The following RNF220 variants were observed in gnomAD, a reference collection of about 807,000 sequenced individuals.
RNF220 encodes E3 ubiquitin-protein ligase RNF220.
Under a neutral mutation model 67.1 loss-of-function variants are expected in RNF220, and 7 were observed. That is an observed-to-expected ratio of 0.10 (90% confidence interval 0.06 to 0.20). RNF220 has a LOEUF of 0.20. Ranked by LOEUF, RNF220 falls within the 10% of genes least tolerant of loss-of-function variation. RNF220 has a pLI of 1.00. For missense variants in RNF220, 565 were observed against 740.3 expected (o/e 0.76, Z 2.75); for synonymous variants, 270 against 283.2 (o/e 0.95, Z 0.47).
chr1:44,599,401 G>A (rs1327496635), intron 2 of RNF220, among the ~76,000 whole-genome samples: 5 of 152,164 alleles, frequency 3.3e-5, no homozygotes, highest in African/African-American at 2.4e-5. Flanking sequence ...GGTCAGGCGC[G>A]GTGGCTCACA....
chr1:44,515,006 G>A (rs1357484450), intron 2 of RNF220, among the ~76,000 whole-genome samples: 1 of 152,206 alleles, frequency 6.6e-6, no homozygotes, highest in East Asian at 1.9e-4. Context: ...AACAAACACA[G>A]AAAGGGAAGA....
chr1:44,456,570 C>T (rs1653203459), intron 2 of RNF220, among the ~76,000 whole-genome samples: 1 of 152,180 alleles, frequency 6.6e-6, no homozygotes, highest in African/African-American at 2.4e-5. Flanking sequence ...CAGACCAAGT[C>T]CCTGTCCTCA....
Position 44,462,701 on chromosome 1 carries a change from TG to T in RNF220, c.625+49980del, listed in dbSNP as rs535451655. On this transcript the variant is annotated intron_variant, in intron 2 of 14. Coordinates refer to ENST00000361799, the MANE Select transcript of RNF220 (RefSeq NM_018150.4). ...AAATGAAGTATAGATGCTTCAAAAT[TG>T]TTCACATGAAGAGTCAGAGTCCACA... 4.1e-3 allele frequency among the ~76,000 whole-genome samples: 619 copies of T among 152,304 alleles called. 5 individuals are homozygous for T. The highest frequency in any genetic ancestry group is 0.014 in the African/African-American group (600 of 41,568).
chr1:44,560,046 C>T (rs1266804245), intron 2 of RNF220, among the ~76,000 whole-genome samples: 2 of 152,320 alleles, frequency 1.3e-5, no homozygotes, highest in Middle Eastern at 3.4e-3. Context: ...GCCCATCAGG[C>T]AGGCAACCCC....
chr1:44,413,295 C>T (rs1270852915), intron 2 of RNF220, among the ~76,000 whole-genome samples: 2 of 152,136 alleles, frequency 1.3e-5, no homozygotes, highest in South Asian at 2.1e-4. Flanking sequence ...TCCTTGCGAT[C>T]GCAAGGCTAG....
intron 5 of RNF220, chr1:44,632,107 G>A (rs1644154780): frequency 3.4e-6 from 5 of 1,461,446 alleles, no homozygotes; most frequent in Non-Finnish European, 4.6e-6. Context: ...GGCTGGGGCG[G>A]CACCGCGCAG....
intron 2 of RNF220, among the ~76,000 whole-genome samples, chr1:44,527,000 C>G (rs923278268): frequency 6.6e-6 from 1 of 151,946 alleles, no homozygotes; most frequent in African/African-American, 2.4e-5. Context: ...CCTTCAGTAT[C>G]GCTGCTTCCC....
chr1:44,493,475 T>C (rs1657043538), intron 2 of RNF220, among the ~76,000 whole-genome samples: 1 of 152,010 alleles, frequency 6.6e-6, no homozygotes, highest in Non-Finnish European at 1.5e-5. Flanking sequence ...GATCGTGCCA[T>C]TGCACTCTAG....
chr1:44,540,811 G>A (rs1459472885), intron 2 of RNF220, among the ~76,000 whole-genome samples: 2 of 152,074 alleles, frequency 1.3e-5, no homozygotes, highest in African/African-American at 2.4e-5. Context: ...CAGAACCGAG[G>A]GAGGTGTACA....
At chr1:44,519,313 CAT>C (rs1659718490) in intron 2 of RNF220, among the ~76,000 whole-genome samples, 1 of 152,178 alleles carries the variant, frequency 6.6e-6, no homozygotes. Flanking sequence ...AGGCACTGAA[CAT>C]ATGATAATAA....
intron 2 of RNF220, among the ~76,000 whole-genome samples, chr1:44,573,577 A>G (rs557323405): frequency 1.3e-5 from 2 of 152,354 alleles, no homozygotes; most frequent in Middle Eastern, 3.4e-3. Context: ...ATCAGATAGC[A>G]TGAGTTTAAT....
In RNF220 at chr1:44,463,335, C is replaced by CAAA. The variant is rs1223749063; in HGVS notation, c.625+50625_625+50627dup. 4.3e-4 allele frequency among the ~76,000 whole-genome samples: 39 copies of CAAA among 91,146 alleles called. No individual in the cohort carries two copies. The South Asian group carries it at 4.7e-3, about 11-fold the overall frequency. 59.8% of individuals were successfully genotyped at this position (91,146 alleles called of 152,430 possible). On this transcript the variant is annotated intron_variant, in intron 2 of 14. Transcript: ENST00000361799. ...GGGCAACAAGAGCAAAACTCTGTCT[C>CAAA]AAAAAAAAAAAAAAGAAAGAAAGAA...
Position 44,650,607 on chromosome 1 carries a change from C to A in RNF220, c.1630-97C>A. The A allele has an allele frequency of 7.4e-7, 1 of 1,347,160 alleles. No homozygotes were observed. Among genetic ancestry groups the A allele is most frequent in the Non-Finnish European group, 1.1e-6 (1 of 948,348 alleles). 83.5% of individuals were successfully genotyped at this position (1,347,160 alleles called of 1,614,324 possible). A position where few individuals can be genotyped will look rare whatever the true frequency, so the allele number is the denominator to read the frequency against. On this transcript the variant is annotated intron_variant, in intron 14 of 14. Transcript: ENST00000361799. This position sits in a 1 kb window ranked among gnomAD's most constrained non-coding sequence, Gnocchi z 4.3. ...GGCTGACAGGACCAAGGTCTCAGCA[C>A]ACACTGGTGCAGAGAGACATGGCTG... is the stretch of plus-strand genomic sequence containing the variant.
At chr1:44,472,265 G>GT (rs1447267564) in intron 2 of RNF220, among the ~76,000 whole-genome samples, 1 of 152,180 alleles carries the variant, frequency 6.6e-6, no homozygotes, top group Non-Finnish European at 1.5e-5. Flanking sequence ...CGTGATAACT[G>GT]TATGTTTAAC....
At chr1:44,546,325 C>T (rs1662142536) in intron 2 of RNF220, among the ~76,000 whole-genome samples, 2 of 152,098 alleles carry the variant, frequency 1.3e-5, no homozygotes, top group Admixed American at 6.5e-5. Context: ...CCTAAGAGGT[C>T]GCATGGCTAG....
intron 7 of RNF220, 149 bp from the exon 8 acceptor site, chr1:44,635,881 C>T: frequency 1.4e-6 from 2 of 1,404,744 alleles, no homozygotes; most frequent in Non-Finnish European, 9.7e-7. Context: ...GGTCTTTGAC[C>T]TCTAAATTGG....
chr1:44,478,926 T>G (rs1043405511), intron 2 of RNF220, among the ~76,000 whole-genome samples: 5 of 152,192 alleles, frequency 3.3e-5, no homozygotes, highest in Non-Finnish European at 7.3e-5. Flanking sequence ...CTATCATCCT[T>G]GGACATCACC....
intron 2 of RNF220, among the ~76,000 whole-genome samples, chr1:44,520,120 T>A (rs1222964882): frequency 1.5e-4 from 21 of 141,888 alleles, no homozygotes; most frequent in African/African-American, 5.4e-4. Flanking sequence ...TGTGTGTGTG[T>A]GTGTGTGTGA....
chr1:44,556,800 C>T (rs1354704784), intron 2 of RNF220, among the ~76,000 whole-genome samples: 13 of 152,062 alleles, frequency 8.5e-5, no homozygotes, highest in African/African-American at 2.9e-4. Flanking sequence ...ACCTTGTGAT[C>T]CACCAGCCTC....
Sources: gnomAD v4.1 joint callset for allele counts (sites outside exome capture counted in the v4.1 genomes callset) on GRCh38, gnomAD v4.1.1 for gene constraint, Gnocchi (gnomAD v3.1) non-coding constraint, MANE v1.5 for transcripts, NCBI Gene and HGNC (gene_info 2026-07-23, HGNC 2026-07-21) for gene names.